The following STK33 variants were observed in gnomAD, a reference collection of about 807,000 sequenced individuals.
The protein encoded by STK33 is serine/threonine-protein kinase 33.
STK33 carries 52 observed loss-of-function variants against 58.0 expected under a neutral mutation model. The observed-to-expected ratio is 0.90, with a 90% CI of 0.72 to 1.13. STK33 has a LOEUF of 1.13. STK33 is among the 50% of genes most tolerant of loss of function. The probability of loss-of-function intolerance (pLI) is 0.00; values close to 1 mark genes in which losing one functional copy is unlikely to be tolerated. For synonymous variants in STK33, 215 were observed against 200.1 expected (o/e 1.07, Z -0.63); for missense variants, 630 against 604.2 (o/e 1.04, Z -0.45).
At chr11:8,554,074 T>C (rs1319406559) in intron 1 of STK33, among the ~76,000 whole-genome samples, 1 of 152,000 alleles carries the variant, frequency 6.6e-6, no homozygotes, top group Non-Finnish European at 1.5e-5. Context: ...ATCCAAAATA[T>C]GTAAGGAACT....
chr11:8,572,859 G>A (rs1957921186), intron 1 of STK33, among the ~76,000 whole-genome samples: 1 of 151,782 alleles, frequency 6.6e-6, no homozygotes, highest in South Asian at 2.1e-4. Context: ...CATAGTAATA[G>A]GAACTATCCA....
chr11:8,454,382 T>C (rs1418426224), intron 10 of STK33, among the ~76,000 whole-genome samples: 1 of 152,176 alleles, frequency 6.6e-6, no homozygotes, highest in African/African-American at 2.4e-5. Flanking sequence ...TAGAATTAAT[T>C]TAGTATCAAA....
the STK33 span, among the ~76,000 whole-genome samples, chr11:8,376,259 G>T: frequency 6.6e-6 from 1 of 152,162 alleles, no homozygotes. Context: ...ATGACTTTAT[G>T]TGTGTCTAAG....
At chr11:8,503,771 C>T (rs115515225) in intron 1 of STK33, among the ~76,000 whole-genome samples, 1,844 of 152,228 alleles carry the variant, frequency 0.012, 39 homozygotes, top group African/African-American at 0.042. Flanking sequence ...TCCCAGTCTA[C>T]ACCTTCCAGC....
chr11:8,423,746 C>A (rs1479729175), intron 14 of STK33, among the ~76,000 whole-genome samples: 1 of 151,944 alleles, frequency 6.6e-6, no homozygotes, highest in Non-Finnish European at 1.5e-5. Flanking sequence ...TTAAAATCAT[C>A]CATATATTTT....
intron 8 of STK33, 116 bp downstream of exon 8, chr11:8,461,689 A>C: frequency 1.6e-6 from 1 of 633,876 alleles, no homozygotes; most frequent in South Asian, 3.5e-5. Context: ...CTCCAGTGAC[A>C]GACTCATGGC....
chr11:8,436,290 AAAC>A (rs1196893216), intron 12 of STK33, 151 bp from the exon 13 acceptor site: 1 of 462,194 alleles, frequency 2.2e-6, no homozygotes, highest in Non-Finnish European at 3.8e-6. Flanking sequence ...GTAAAAATGG[AAAC>A]AACAGGGTTT....
At chr11:8,557,132 T>C (rs1238279416) in intron 1 of STK33, among the ~76,000 whole-genome samples, 1 of 150,494 alleles carries the variant, frequency 6.6e-6, no homozygotes, top group Non-Finnish European at 1.5e-5. Flanking sequence ...ATGCCTGTGG[T>C]CCCAGCTACT....
At chr11:8,521,289 T>C (rs1377919893) in intron 1 of STK33, among the ~76,000 whole-genome samples, 7 of 151,984 alleles carry the variant, frequency 4.6e-5, no homozygotes, top group Admixed American at 1.3e-4. Context: ...TATAGACCAA[T>C]GGAACAGAAC....
At chr11:8,531,681 G>T (rs571309283) in intron 1 of STK33, among the ~76,000 whole-genome samples, 24 of 152,194 alleles carry the variant, frequency 1.6e-4, no homozygotes, top group Non-Finnish European at 1.9e-4. Flanking sequence ...CCACAGAACC[G>T]GGAAAAAGCT....
intron 1 of STK33, among the ~76,000 whole-genome samples, chr11:8,526,400 AAAAG>A (rs1189568868): frequency 1.3e-5 from 2 of 152,294 alleles, no homozygotes; most frequent in East Asian, 1.9e-4. Flanking sequence ...TCAAAAAAAA[AAAAG>A]AAAGTTATTT....
chr11:8,399,237 T>G (rs886440278), intron 15 of STK33, among the ~76,000 whole-genome samples: 5 of 152,010 alleles, frequency 3.3e-5, no homozygotes, highest in Admixed American at 1.3e-4. Flanking sequence ...CCTCAGCAAA[T>G]GTAAAAGAAA....
intron 11 of STK33, among the ~76,000 whole-genome samples, chr11:8,443,389 C>G (rs1046144967): frequency 1.3e-5 from 2 of 152,068 alleles, no homozygotes; most frequent in Admixed American, 6.6e-5. Flanking sequence ...AGTTGAAAAC[C>G]TTTAAGATGC....
In STK33 at chr11:8,529,447, C is replaced by A. The variant is rs371778421; in HGVS notation, c.-465-48833G>T. Among the ~76,000 whole-genome samples, 61 of 152,228 alleles carry A rather than the reference C, an allele frequency of 4.0e-4. No individual in the cohort carries two copies. In the South Asian group the frequency reaches 6.4e-3, roughly 16 times the overall value. Reference sequence around the variant, plus strand: ...AGGACAAGATTCAGAATTCAAGGTTCCTAGGAAAAGCCTGGTCTTGAGAGA... The same window carrying A: ...AGGACAAGATTCAGAATTCAAGGTTACTAGGAAAAGCCTGGTCTTGAGAGA... On this transcript the variant is annotated intron_variant, in intron 1 of 15. Coordinates refer to ENST00000687296, the MANE Select transcript of STK33 (RefSeq NM_001352389.2).
intron 1 of STK33, among the ~76,000 whole-genome samples, chr11:8,548,204 T>C (rs1477939717): frequency 1.3e-5 from 2 of 152,210 alleles, no homozygotes; most frequent in Non-Finnish European, 2.9e-5. Context: ...TCCTCAAGTA[T>C]TTCCCCAATG....
At chr11:8,537,036 A>G (rs1388451721) in intron 1 of STK33, among the ~76,000 whole-genome samples, 1 of 109,470 alleles carries the variant, frequency 9.1e-6, no homozygotes, top group African/African-American at 3.6e-5. Flanking sequence ...GCTGGAGTGC[A>G]GTGGCTCCAT....
downstream of STK33, among the ~76,000 whole-genome samples, chr11:8,390,315 A>G (rs1465704760): frequency 6.6e-6 from 1 of 152,164 alleles, no homozygotes; most frequent in Non-Finnish European, 1.5e-5. Context: ...TCACAGCAAA[A>G]CCCAGCTCCC....
rs1029707936 is a variant in STK33 at position 8,392,661 on chromosome 11, T to C, written c.1394A>G (p.Asp465Gly). 6.2e-7 allele frequency: 1 copy of C among 1,614,216 alleles called. No individual in the cohort carries two copies. Among genetic ancestry groups the C allele is most frequent in the African/African-American group, 1.3e-5 (1 of 75,048 alleles). Reference sequence around the variant, plus strand: ...AGATGTGAAACTTGAACTGCACATATCAAAGTTGTCCTTACTGGTTGCAGG... The same window carrying C: ...AGATGTGAAACTTGAACTGCACATACCAAAGTTGTCCTTACTGGTTGCAGG... ...QFPATSKDNF[D>G]MCSSSFTSSK... is the part of the protein sequence containing the mutation. Residue 465 changes from aspartate to glycine, a missense_variant, in exon 16 of 16, where the codon GAT (aspartate) becomes GGT (glycine). Transcript: ENST00000687296.
chr11:8,368,960 G>A, the STK33 span, among the ~76,000 whole-genome samples: 87 of 152,144 alleles, frequency 5.7e-4, no homozygotes, highest in Non-Finnish European at 1.8e-4. Flanking sequence ...TGTTACCACC[G>A]CAGAAGCCAT....
Sources: allele counts gnomAD v4.1 joint callset (sites outside exome capture counted in the v4.1 genomes callset), GRCh38; gene constraint gnomAD v4.1.1; transcripts MANE v1.5; gene names NCBI Gene and HGNC (gene_info 2026-07-23, HGNC 2026-07-21).